The following GRIN2B variants were observed in gnomAD, a reference collection of about 807,000 sequenced individuals.
GRIN2B encodes glutamate ionotropic receptor NMDA type subunit 2B.
GRIN2B carries 5 observed loss-of-function variants against 114.5 expected under a neutral mutation model. The ratio of observed to expected loss-of-function variants is 0.04; its 90% CI spans 0.02 to 0.09. The LOEUF is 0.09. Ranked by LOEUF, GRIN2B falls within the 10% of genes least tolerant of loss-of-function variation. GRIN2B has a pLI of 1.00. For synonymous variants in GRIN2B, 787 were observed against 745.1 expected (o/e 1.06, Z -0.92); for missense variants, 1,108 against 1,943.5 (o/e 0.57, Z 8.08).
chr12:13,844,356 C>A (rs935250889), intron 3 of GRIN2B, among the ~76,000 whole-genome samples: 4 of 152,178 alleles, frequency 2.6e-5, no homozygotes, highest in Non-Finnish European at 5.9e-5. Context: ...CCTTTCCAAT[C>A]AATGTCTAGG....
chr12:13,819,839 T>A (rs1050795532), intron 3 of GRIN2B, among the ~76,000 whole-genome samples: 12 of 152,212 alleles, frequency 7.9e-5, no homozygotes, highest in African/African-American at 2.9e-4. Flanking sequence ...GTGGACTTGG[T>A]CAACTTCCCT....
At chr12:13,893,552 T>G (rs115131149) in intron 2 of GRIN2B, among the ~76,000 whole-genome samples, 1 of 152,124 alleles carries the variant, frequency 6.6e-6, no homozygotes, top group Admixed American at 6.6e-5. Flanking sequence ...TATTAACTAA[T>G]GCCAAATCAG....
At chr12:13,898,032 G>A (rs1455756396) in intron 2 of GRIN2B, among the ~76,000 whole-genome samples, 6 of 137,312 alleles carry the variant, frequency 4.4e-5, no homozygotes, top group Admixed American at 2.3e-4. Context: ...AAATAAAAAA[G>A]AAAGGGCTAC....
At chr12:13,878,032 C>T (rs1389835416) in intron 2 of GRIN2B, among the ~76,000 whole-genome samples, 2 of 147,548 alleles carry the variant, frequency 1.4e-5, no homozygotes, top group Non-Finnish European at 3.0e-5. Context: ...CCACTGCACT[C>T]CAGCCTGGGT....
At chr12:13,678,296 G>C (rs1397461318) in intron 4 of GRIN2B, among the ~76,000 whole-genome samples, 1 of 152,094 alleles carries the variant, frequency 6.6e-6, no homozygotes, top group East Asian at 1.9e-4. Flanking sequence ...GTCCTTGTAT[G>C]TAAGTTTCCC....
chr12:13,639,119 G>A (rs1333623225), intron 5 of GRIN2B, among the ~76,000 whole-genome samples: 1 of 152,114 alleles, frequency 6.6e-6, no homozygotes, highest in Admixed American at 6.6e-5. Flanking sequence ...CTAATGAGTT[G>A]CAGTGTCAAA....
chr12:13,860,131 G>A (rs541390302), intron 3 of GRIN2B, among the ~76,000 whole-genome samples: 10 of 152,210 alleles, frequency 6.6e-5, no homozygotes, highest in East Asian at 3.9e-4. Flanking sequence ...ACACACCACT[G>A]CCAGCCCATC....
intron 5 of GRIN2B, among the ~76,000 whole-genome samples, chr12:13,651,804 C>T (rs1191480617): frequency 6.6e-6 from 1 of 152,070 alleles, no homozygotes; most frequent in Non-Finnish European, 1.5e-5. Context: ...TGAACAGATC[C>T]ACGTTTCTCT....
At chr12:13,852,226 T>A (rs955296477) in intron 3 of GRIN2B, among the ~76,000 whole-genome samples, 1 of 152,180 alleles carries the variant, frequency 6.6e-6, no homozygotes, top group African/African-American at 2.4e-5. Context: ...TCACCCCAGA[T>A]GCAGCATTCC....
chr12:13,967,431 G>A (rs1867806909), intron 2 of GRIN2B, among the ~76,000 whole-genome samples: 1 of 152,242 alleles, frequency 6.6e-6, no homozygotes, highest in Admixed American at 6.5e-5. Context: ...TGCCATTTAA[G>A]CAAAGCAAGC....
intron 3 of GRIN2B, among the ~76,000 whole-genome samples, chr12:13,812,075 A>G (rs1337769354): frequency 2.0e-5 from 3 of 152,190 alleles, no homozygotes; most frequent in Non-Finnish European, 4.4e-5. Flanking sequence ...AAAAAGTAAT[A>G]TATTCTGTAT....
intron 10 of GRIN2B, among the ~76,000 whole-genome samples, chr12:13,606,865 TGAGAG>T (rs1949256404): frequency 6.6e-6 from 1 of 151,456 alleles, no homozygotes; most frequent in Admixed American, 6.6e-5. Context: ...AATCATGAGA[TGAGAG>T]AAGTAAATAA....
chr12:13,805,649 T>C (rs1378695618), intron 3 of GRIN2B, among the ~76,000 whole-genome samples: 2 of 152,130 alleles, frequency 1.3e-5, no homozygotes, highest in East Asian at 3.8e-4. Context: ...GTGTACTACA[T>C]GATGTTTTGA....
At chr12:13,912,091 T>C (rs1866635781) in intron 2 of GRIN2B, among the ~76,000 whole-genome samples, 2 of 152,142 alleles carry the variant, frequency 1.3e-5, no homozygotes, top group South Asian at 4.2e-4. Context: ...GCTGCTACCC[T>C]GAAAGGGCAC....
chr12:13,789,435 C>A (rs949339346), intron 3 of GRIN2B, among the ~76,000 whole-genome samples: 1 of 152,140 alleles, frequency 6.6e-6, no homozygotes, highest in Non-Finnish European at 1.5e-5. Flanking sequence ...ATGCCCCACT[C>A]CCCTGCATCC....
rs143291647 is a variant in GRIN2B, at chr12:13,762,372, C to T, written c.412-8457G>A. 4.9e-3 allele frequency among the ~76,000 whole-genome samples: 739 copies of T among 152,296 alleles called. 15 individuals are homozygous for T. Among genetic ancestry groups the T allele is most frequent in the Non-Finnish European group, 1.3e-3 (89 of 68,026 alleles). ...ATCTCATCAAAATCATCTTATTTAACTTAAGCCGAAAGGACAGCATCTACA... is the reference window on the plus strand; with the variant it reads ...ATCTCATCAAAATCATCTTATTTAATTTAAGCCGAAAGGACAGCATCTACA... On this transcript the variant is annotated intron_variant, in intron 3 of 13. Transcript: ENST00000609686.
intron 5 of GRIN2B, among the ~76,000 whole-genome samples, chr12:13,620,480 T>C (rs1303161118): frequency 6.6e-6 from 1 of 152,206 alleles, no homozygotes; most frequent in Non-Finnish European, 1.5e-5. Context: ...CCCTGGCCCC[T>C]GTTGTTAAAC....
intron 4 of GRIN2B, among the ~76,000 whole-genome samples, chr12:13,726,572 T>G (rs1003665429): frequency 7.5e-4 from 111 of 147,720 alleles, no homozygotes; most frequent in African/African-American, 1.9e-3. Flanking sequence ...TTATATATTA[T>G]AAATATATAT....
chr12:13,844,218 G>C (rs1865431789), intron 3 of GRIN2B, among the ~76,000 whole-genome samples: 1 of 152,122 alleles, frequency 6.6e-6, no homozygotes. Flanking sequence ...GGTCATATTT[G>C]GCTTGAATGG....
Sources: allele counts gnomAD v4.1 joint callset (sites outside exome capture counted in the v4.1 genomes callset), GRCh38; gene constraint gnomAD v4.1.1; transcripts MANE v1.5; gene names NCBI Gene and HGNC (gene_info 2026-07-23, HGNC 2026-07-21).